SGMS2: variants seen among roughly 807,000 people sequenced by gnomAD.
SGMS2 encodes the protein phosphatidylcholine:ceramide cholinephosphotransferase 2.
SGMS2 carries 21 observed loss-of-function variants against 43.8 expected under a neutral mutation model. The ratio of observed to expected loss-of-function variants is 0.48; its 90% CI spans 0.34 to 0.69. The LOEUF is 0.69. Ranked by LOEUF, SGMS2 falls within the 30% of genes least tolerant of loss-of-function variation. The pLI is 0.01. For synonymous variants in SGMS2, 167 were observed against 160.6 expected (o/e 1.04, Z -0.30); for missense variants, 384 against 443.2 (o/e 0.87, Z 1.20).
At chr4:107,863,877 T>C (rs1337181212) in intron 2 of SGMS2, 1 of 152,236 alleles carries the variant, frequency 6.6e-6, no homozygotes, top group African/African-American at 2.4e-5. Context: ...AAAAGAAAGG[T>C]ACCTGAAGCT....
chr4:107,830,682 G>A (rs556077713), intron 1 of SGMS2, among the ~76,000 whole-genome samples: 36 of 152,258 alleles, frequency 2.4e-4, no homozygotes, highest in Middle Eastern at 6.8e-3. Context: ...GTTGTCTTTT[G>A]AGAAGTCAGT....
At chr4:107,888,010 A>T (rs939205646) in intron 2 of SGMS2, among the ~76,000 whole-genome samples, 1 of 152,172 alleles carries the variant, frequency 6.6e-6, no homozygotes, top group African/African-American at 2.4e-5. Context: ...TGTGTCTTTG[A>T]CATTGATAAT....
At chr4:107,881,759 C>T (rs996225633) in intron 2 of SGMS2, among the ~76,000 whole-genome samples, 4 of 152,112 alleles carry the variant, frequency 2.6e-5, no homozygotes, top group Non-Finnish European at 5.9e-5. Flanking sequence ...CCCGCCCTGC[C>T]ACCCACCACT....
At chr4:107,894,729 A>G (rs1274359513) in intron 2 of SGMS2, among the ~76,000 whole-genome samples, 1 of 152,172 alleles carries the variant, frequency 6.6e-6, no homozygotes, top group Non-Finnish European at 1.5e-5. Flanking sequence ...ATAAAAGGAT[A>G]AACTGAGGCT....
intron 2 of SGMS2, among the ~76,000 whole-genome samples, chr4:107,895,101 T>C (rs1185241339): frequency 6.6e-6 from 1 of 152,238 alleles, no homozygotes; most frequent in Non-Finnish European, 1.5e-5. Context: ...CTACCAATAC[T>C]AGCTCAAAAA....
At position 107,908,662 on chromosome 4, in the gene SGMS2, C is replaced by G; in HGVS notation, c.825C>G (p.Ile275Met). ...CILVAHEHYT[I>M]DVIIAYYITT... ...TTGTAGCACACGAACACTACACTAT[C>G]GATGTGATCATTGCTTATTATATCA... Residue 275 changes from isoleucine (I) to methionine (M), a missense_variant, in exon 6 of 7, where the codon ATC (isoleucine) becomes ATG (methionine). By Grantham distance (10) the Ile-to-Met change is conservative (BLOSUM62 1). Transcript: ENST00000690982. 1 of 1,613,964 alleles carries G rather than the reference C, an allele frequency of 6.2e-7. No individual in the cohort carries two copies. Among genetic ancestry groups the G allele is most frequent in the Non-Finnish European group, 8.5e-7 (1 of 1,179,902 alleles).
intron 1 of SGMS2, among the ~76,000 whole-genome samples, chr4:107,856,275 T>G (rs556366022): frequency 2.0e-5 from 3 of 152,218 alleles, no homozygotes; most frequent in Non-Finnish European, 4.4e-5. Context: ...TTAAAATGAA[T>G]GTAGTCTTAA....
chr4:107,879,784 T>G (rs912170826), intron 2 of SGMS2, among the ~76,000 whole-genome samples: 4 of 152,198 alleles, frequency 2.6e-5, no homozygotes, highest in African/African-American at 9.6e-5. Flanking sequence ...AACAGCTTAA[T>G]TGAGTGATAA....
chr4:107,895,608 G>A lies in SGMS2; in HGVS notation c.55G>A (p.Asp19Asn). The part of the protein sequence containing the change: ...LEEHLENQPS[D>N]PTNTYARPAE... ...AGAACATTTGGAAAATCAACCCAGT[G>A]ATCCTACGAACACTTATGCAAGACC... The change falls in exon 3 of 7, where the codon GAT becomes AAT. Residue 19 changes from aspartate to asparagine, a missense_variant. Physicochemically the swap from Asp to Asn is conservative, Grantham distance 23 (BLOSUM62 1). Transcript: ENST00000690982. The A allele has an allele frequency of 3.1e-6, 5 of 1,613,968 alleles. No individual in the cohort carries two copies. The East Asian group carries it at 1.1e-4, about 36-fold the overall frequency.
At chr4:107,907,972 C>A (rs1430846183) in intron 5 of SGMS2, 1 of 152,356 alleles carries the variant, frequency 6.6e-6, no homozygotes, top group African/African-American at 2.4e-5. Flanking sequence ...TGGTTAGGAA[C>A]CCTAACCTTT....
intron 1 of SGMS2, among the ~76,000 whole-genome samples, chr4:107,840,538 G>A (rs1726440910): frequency 6.6e-6 from 1 of 152,140 alleles, no homozygotes; most frequent in Non-Finnish European, 1.5e-5. Flanking sequence ...AACAGCCACT[G>A]GAGTGAATAG....
At chr4:107,843,875 A>T (rs541292529) in intron 1 of SGMS2, among the ~76,000 whole-genome samples, 33 of 152,254 alleles carry the variant, frequency 2.2e-4, no homozygotes, top group Non-Finnish European at 4.3e-4. Flanking sequence ...TATAAAACTT[A>T]CATGGAATTT....
intron 3 of SGMS2, 75 bp downstream of exon 3, chr4:107,896,083 T>C (rs961779884): frequency 7.5e-7 from 1 of 1,336,204 alleles, no homozygotes; most frequent in Non-Finnish European, 1.0e-6. Context: ...TGAGATTATT[T>C]TTCCTTTTTT....
chr4:107,868,904 C>G (rs1728345558), intron 2 of SGMS2, among the ~76,000 whole-genome samples: 1 of 152,060 alleles, frequency 6.6e-6, no homozygotes, highest in Non-Finnish European at 1.5e-5. Context: ...ATATTATGTT[C>G]AAGTAATTTT....
intron 3 of SGMS2, among the ~76,000 whole-genome samples, chr4:107,898,396 T>C (rs1018257715): frequency 6.6e-6 from 1 of 152,200 alleles, no homozygotes; most frequent in African/African-American, 2.4e-5. Flanking sequence ...CCTTGATTCA[T>C]GTCAGAACCA....
At chr4:107,868,446 G>A (rs1233025535) in intron 2 of SGMS2, among the ~76,000 whole-genome samples, 1 of 152,176 alleles carries the variant, frequency 6.6e-6, no homozygotes, top group Admixed American at 6.5e-5. Context: ...GCCAGGTGTG[G>A]TGGCTCTCGC....
chr4:107,862,043 C>T (rs1578549786), intron 2 of SGMS2, among the ~76,000 whole-genome samples: 1 of 152,134 alleles, frequency 6.6e-6, no homozygotes, highest in East Asian at 1.9e-4. Context: ...AGAGCAAAAA[C>T]GAAAGAAACA....
intron 5 of SGMS2, 33 bp from the exon 6 acceptor site, chr4:107,908,532 T>C (rs1212949377): frequency 1.3e-6 from 2 of 1,592,976 alleles, no homozygotes; most frequent in Admixed American, 1.7e-5. Flanking sequence ...TCTCTGGGAA[T>C]CTTATTAACT....
At chr4:107,881,844 A>T (rs1288450911) in intron 2 of SGMS2, among the ~76,000 whole-genome samples, 2 of 152,148 alleles carry the variant, frequency 1.3e-5, no homozygotes, top group Non-Finnish European at 2.9e-5. Flanking sequence ...TTTAGCTCCC[A>T]CAAATGAGTG....
Sources: gnomAD v4.1 joint callset for allele counts (sites outside exome capture counted in the v4.1 genomes callset) on GRCh38, gnomAD v4.1.1 for gene constraint, MANE v1.5 for transcripts, NCBI Gene and HGNC (gene_info 2026-07-23, HGNC 2026-07-21) for gene names.